TAC1: variants seen among roughly 807,000 people sequenced by gnomAD.
TAC1 encodes tachykinin precursor 1.
In TAC1, 12 loss-of-function variants were observed where a neutral mutation model predicts 21.7. That is an observed-to-expected ratio of 0.55 (90% CI 0.35 to 0.89). TAC1 has a LOEUF of 0.89. Ranked by LOEUF, TAC1 falls within the 40% of genes least tolerant of loss-of-function variation. The probability of loss-of-function intolerance (pLI) is 0.01; values close to 1 mark genes in which losing one functional copy is unlikely to be tolerated. For missense variants in TAC1, 128 were observed against 151.4 expected, an observed-to-expected ratio of 0.85 and a Z score of 0.81; for synonymous variants, 52 against 52.0, an observed-to-expected ratio of 1.00 and a Z score of 0.00.
At position 97,732,775 on chromosome 7, in the gene TAC1, G is replaced by T. The variant is rs1037684619; in HGVS notation, c.123+40G>T. ...CAGGACGGCCCGCACCCTTCTTCCT[G>T]GGCTCGGGAGCTGTCACCTTCCCAC... On this transcript the variant is annotated intron_variant, in intron 2 of 6. Coordinates refer to ENST00000319273, the MANE Select transcript of TAC1 (RefSeq NM_003182.3). The surrounding 1 kb of genome is among the most constrained non-coding windows in gnomAD (Gnocchi z 6.2). 7 of 1,594,974 alleles carry T rather than the reference G, an allele frequency of 4.4e-6. No homozygotes were observed. The African/African-American group carries it at 9.4e-5, about 21-fold the overall frequency.
intron 6 of TAC1, among the ~76,000 whole-genome samples, chr7:97,739,488 TAA>T (rs1789652692): frequency 6.6e-6 from 1 of 152,056 alleles, no homozygotes; most frequent in African/African-American, 2.4e-5. Flanking sequence ...TCTGCTAGAA[TAA>T]AAGTCCCACA....
chr7:97,737,435 A>G (rs905229786), intron 6 of TAC1, among the ~76,000 whole-genome samples: 9 of 151,922 alleles, frequency 5.9e-5, no homozygotes, highest in African/African-American at 2.2e-4. Context: ...TTATTGTGAA[A>G]TGTAAGACTT....
intron 5 of TAC1, among the ~76,000 whole-genome samples, 181 bp downstream of exon 5, chr7:97,735,030 A>T (rs1789549573): frequency 1.3e-5 from 2 of 152,200 alleles, no homozygotes; most frequent in African/African-American, 4.8e-5. Context: ...GACATATTGT[A>T]CTTAGCAAAG....
chr7:97,733,695 G>T (rs763363233), intron 2 of TAC1, 28 bp from the exon 3 acceptor site: 2 of 1,611,850 alleles, frequency 1.2e-6, no homozygotes, highest in South Asian at 2.2e-5. Context: ...TGCCTTACAC[G>T]CCCTTTGTCC....
At chr7:97,739,515 T>A (rs1485880496) in intron 6 of TAC1, among the ~76,000 whole-genome samples, 1 of 152,102 alleles carries the variant, frequency 6.6e-6, no homozygotes, top group Non-Finnish European at 1.5e-5. Flanking sequence ...GTTTTTATCC[T>A]ACTAGTATTC....
chr7:97,736,766 G>A (rs1005960963), intron 6 of TAC1, among the ~76,000 whole-genome samples: 5 of 151,954 alleles, frequency 3.3e-5, no homozygotes, highest in Admixed American at 2.0e-4. Context: ...TACATTTGGC[G>A]ATCTTCCAAT....
At chr7:97,734,357 T>C in intron 4 of TAC1, 65 bp downstream of exon 4, 3 of 1,424,008 alleles carry the variant, frequency 2.1e-6, no homozygotes, top group Non-Finnish European at 2.9e-6. Flanking sequence ...TGAAATAAAA[T>C]CTTTTATGGG....
chr7:97,739,052 G>A (rs994632009), intron 6 of TAC1, among the ~76,000 whole-genome samples: 2 of 136,526 alleles, frequency 1.5e-5, no homozygotes, highest in Non-Finnish European at 1.6e-5. Flanking sequence ...GATAATCAAT[G>A]TATTTAAATT....
intron 6 of TAC1, among the ~76,000 whole-genome samples, chr7:97,738,844 C>G (rs1016314757): frequency 1.3e-5 from 2 of 151,878 alleles, no homozygotes; most frequent in Non-Finnish European, 2.9e-5. Flanking sequence ...ACAGGCCATA[C>G]TGAATTTCAA....
At chr7:97,734,382 C>A in intron 4 of TAC1, 90 bp downstream of exon 4, 1 of 1,140,206 alleles carries the variant, frequency 8.8e-7, no homozygotes, top group Non-Finnish European at 1.3e-6. Context: ...AATACAAGAT[C>A]TGGGTCATGC....
intron 6 of TAC1, among the ~76,000 whole-genome samples, chr7:97,739,610 A>G (rs1479994377): frequency 3.9e-5 from 6 of 152,064 alleles, no homozygotes; most frequent in Admixed American, 1.3e-4. Context: ...TCAACACTGC[A>G]ATATATTGTG....
At position 97,732,883 on chromosome 7, in the gene TAC1, C is replaced by T. The variant is rs1018713278; in HGVS notation, c.123+148C>T. On this transcript the variant is annotated intron_variant, in intron 2 of 6. Transcript: ENST00000319273. The surrounding 1 kb of genome is among the most constrained non-coding windows in gnomAD (Gnocchi z 6.2). ...GCGTGCGAGAGGATGGAAAGGGGCA[C>T]TATTTCCCGGGTTCCCCACGGGATT... is the stretch of plus-strand genomic sequence containing the variant. The T allele has an allele frequency of 4.6e-6, 5 of 1,080,254 alleles. No individual in the cohort carries two copies. The African/African-American group carries it at 7.9e-5, about 17-fold the overall frequency. The allele number at this position is 1,080,254 out of a possible 1,614,324, so 66.9% of individuals were successfully genotyped here.
intron 2 of TAC1, 72 bp from the exon 3 acceptor site, chr7:97,733,651 G>T (rs970583110): frequency 1.2e-4 from 183 of 1,483,152 alleles, no homozygotes; most frequent in Non-Finnish European, 2.1e-5. Flanking sequence ...ACAGCGGGGG[G>T]AAGGGCTCGG....
Position 97,740,405 on chromosome 7 carries a change from T to C in TAC1, c.*485T>C, listed in dbSNP as rs944789815. The C allele has an allele frequency of 2.6e-5, 4 of 152,562 alleles. No homozygotes were observed. Among genetic ancestry groups the C allele is most frequent in the Admixed American group, 6.5e-5 (1 of 15,284 alleles). The allele number at this position is 152,562 out of a possible 1,614,324, so 9.5% of individuals were successfully genotyped here. On this transcript the variant is annotated 3_prime_UTR_variant, in exon 7 of 7. Coordinates refer to ENST00000319273, the MANE Select transcript of TAC1 (RefSeq NM_003182.3). The stretch of plus-strand genomic sequence containing the variant: ...TTTAAAAGTTTCAATGTGATTCTAA[T>C]GTCTTCATTTCATTGTATGATGTGT...
In TAC1 at chr7:97,733,797, A is replaced by C. The variant is rs753253189; in HGVS notation, c.198A>C (p.Gly66=). Residue 66 remains glycine (G), a synonymous_variant, in exon 3 of 7, where the codon GGA becomes GGC. Transcript: ENST00000319273. The stretch of plus-strand genomic sequence containing the variant: ...GACCCAAGCCTCAGCAGTTCTTTGG[A>C]TTAATGGGCAAACGGGATGCTGGTG... ...ARRPKPQQFF[G]LMGKRDADSS... The C allele has an allele frequency of 2.5e-6, 4 of 1,614,050 alleles. No homozygotes were observed. The highest frequency in any genetic ancestry group is 3.4e-6 in the Non-Finnish European group (4 of 1,179,992).
intron 4 of TAC1, 141 bp downstream of exon 4, chr7:97,734,433 T>TTCTCTCTCTCTCTGTCACTCTCTCTG: frequency 1.2e-5 from 8 of 692,406 alleles, no homozygotes; most frequent in Non-Finnish European, 1.7e-5. Context: ...CTCTCTCGGT[T>TTCTCTCTCTCTCTGTCACTCTCTCTG]TCTCTCTCTC....
intron 3 of TAC1, 118 bp from the exon 4 acceptor site, chr7:97,734,130 G>A (rs1703511377): frequency 9.7e-7 from 1 of 1,027,930 alleles, no homozygotes; most frequent in South Asian, 1.4e-5. Context: ...TGTGGAAGAG[G>A]ATTTTATAGC....
chr7:97,739,999 G>T lies in TAC1; in HGVS notation c.*79G>T. On this transcript the variant is annotated 3_prime_UTR_variant, in exon 7 of 7. Transcript: ENST00000319273. Reference sequence around the variant, plus strand: ...GGTAAATTAAGACATGCACTATGAGGAATAATTATTTATTTAATAACAATT... The same window carrying T: ...GGTAAATTAAGACATGCACTATGAGTAATAATTATTTATTTAATAACAATT... 1.0e-6 allele frequency: 1 copy of T among 955,908 alleles called. No homozygotes were observed. 59.2% of individuals were successfully genotyped at this position (955,908 alleles called of 1,614,324 possible).
intron 6 of TAC1, among the ~76,000 whole-genome samples, chr7:97,737,572 G>A (rs1789606500): frequency 6.6e-6 from 1 of 151,930 alleles, no homozygotes; most frequent in South Asian, 2.1e-4. Flanking sequence ...AAAGTTCTAA[G>A]TGTTTCATAA....
Sources: allele counts gnomAD v4.1 joint callset (sites outside exome capture counted in the v4.1 genomes callset), GRCh38; gene constraint gnomAD v4.1.1; non-coding constraint Gnocchi (gnomAD v3.1); transcripts MANE v1.5; gene names NCBI Gene and HGNC (gene_info 2026-07-23, HGNC 2026-07-21).